Variants in RANBP2 observed in about 807,000 individuals in gnomAD.
RANBP2 encodes E3 SUMO-protein ligase RanBP2.
A neutral mutation model predicts 303.6 loss-of-function variants in RANBP2; 57 were observed. The ratio of observed to expected loss-of-function variants is 0.19; its 90% CI spans 0.15 to 0.23. The LOEUF is 0.23. RANBP2 is among the 10% of genes least tolerant of loss of function. The pLI, the probability that RANBP2 is intolerant of heterozygous loss-of-function variation, is 1.00. For synonymous variants in RANBP2, 1,167 were observed against 1,301.5 expected (o/e 0.90, Z 2.23); for missense variants, 3,138 against 3,780.8 (o/e 0.83, Z 4.46).
the RANBP2 span, among the ~76,000 whole-genome samples, chr2:109,371,160 G>A: frequency 6.8e-4 from 103 of 152,262 alleles, no homozygotes; most frequent in African/African-American, 2.0e-3. Flanking sequence ...AGGCCAAGGC[G>A]GGCAGATTGC....
the RANBP2 span, among the ~76,000 whole-genome samples, chr2:109,427,504 T>TA: frequency 6.6e-6 from 1 of 152,158 alleles, no homozygotes; most frequent in Non-Finnish European, 1.5e-5. Flanking sequence ...TGCTGGGCCT[T>TA]ACACCAGGAG....
At chr2:108,748,615 T>A (rs1199174819) in intron 8 of RANBP2, among the ~76,000 whole-genome samples, 2 of 152,188 alleles carry the variant, frequency 1.3e-5, no homozygotes, top group African/African-American at 4.8e-5. Context: ...TTGTCCCTGT[T>A]CTCCTATGGC....
At chr2:109,386,512 A>G in the RANBP2 span, among the ~76,000 whole-genome samples, 1 of 152,096 alleles carries the variant, frequency 6.6e-6, no homozygotes, top group South Asian at 2.1e-4. Context: ...AACTTTATTT[A>G]CAAAAACCAG....
chr2:108,904,403 A>G, the RANBP2 span, among the ~76,000 whole-genome samples: 1 of 152,236 alleles, frequency 6.6e-6, no homozygotes, highest in Non-Finnish European at 1.5e-5. Context: ...ACGGTTTGGC[A>G]GTTTTTTAAA....
the RANBP2 span, among the ~76,000 whole-genome samples, chr2:109,622,254 C>T: frequency 5.9e-5 from 9 of 152,152 alleles, no homozygotes; most frequent in Non-Finnish European, 8.8e-5. Flanking sequence ...TAGTTCTTAG[C>T]AGTTCAGCTT....
the RANBP2 span, among the ~76,000 whole-genome samples, chr2:109,106,157 G>A: frequency 1.2e-4 from 18 of 151,910 alleles, no homozygotes; most frequent in African/African-American, 4.1e-4. Context: ...CACCATGCTC[G>A]GCCCTGCTCT....
chr2:109,306,172 C>A, the RANBP2 span, among the ~76,000 whole-genome samples: 1 of 152,198 alleles, frequency 6.6e-6, no homozygotes, highest in Admixed American at 6.5e-5. Flanking sequence ...TAGAGAAAAT[C>A]CACTAAAATG....
the RANBP2 span, among the ~76,000 whole-genome samples, chr2:108,914,370 T>C: frequency 6.6e-6 from 1 of 152,206 alleles, no homozygotes; most frequent in South Asian, 2.1e-4. Context: ...GGACTTTTGC[T>C]GTATTTCTGC....
chr2:109,201,419 G>C, the RANBP2 span, among the ~76,000 whole-genome samples: 1 of 152,140 alleles, frequency 6.6e-6, no homozygotes, highest in Admixed American at 6.5e-5. Context: ...TCTGTCTCCA[G>C]GCACACATCC....
At chr2:109,295,579 G>T in the RANBP2 span, among the ~76,000 whole-genome samples, 44 of 152,316 alleles carry the variant, frequency 2.9e-4, no homozygotes, top group African/African-American at 9.9e-4. Flanking sequence ...AGGGCCAGGT[G>T]GTGATCCCAG....
the RANBP2 span, among the ~76,000 whole-genome samples, chr2:109,701,276 C>T: frequency 1.3e-5 from 2 of 152,202 alleles, no homozygotes; most frequent in Non-Finnish European, 2.9e-5. Flanking sequence ...CTTGTTAACC[C>T]AGAATATCTA....
the RANBP2 span, among the ~76,000 whole-genome samples, chr2:108,919,605 G>A: frequency 2.0e-5 from 3 of 152,150 alleles, no homozygotes; most frequent in Non-Finnish European, 2.9e-5. Flanking sequence ...TGATCTGCCT[G>A]CTTAGGCCTC....
the RANBP2 span, chr2:108,876,083 T>TA: frequency 6.4e-7 from 1 of 1,562,254 alleles, no homozygotes; most frequent in South Asian, 1.1e-5. Flanking sequence ...TCATTTTTTT[T>TA]ACAGGAGTAA....
chr2:109,400,142 C>T, the RANBP2 span, among the ~76,000 whole-genome samples: 1 of 152,196 alleles, frequency 6.6e-6, no homozygotes, highest in African/African-American at 2.4e-5. Flanking sequence ...TTAAAAATTG[C>T]TGAGCTTCTG....
At chr2:109,162,331 C>CA in the RANBP2 span, among the ~76,000 whole-genome samples, 4 of 152,224 alleles carry the variant, frequency 2.6e-5, no homozygotes, top group African/African-American at 9.6e-5. Context: ...GTTGCTCTGA[C>CA]ACGTAAGCCC....
chr2:109,474,167 G>T, the RANBP2 span, among the ~76,000 whole-genome samples: 68 of 152,252 alleles, frequency 4.5e-4, no homozygotes, highest in Non-Finnish European at 6.5e-4. Context: ...CCGCACCTGC[G>T]TAAGAGCACA....
chr2:109,627,850 T>G, the RANBP2 span, among the ~76,000 whole-genome samples: 1 of 152,274 alleles, frequency 6.6e-6, no homozygotes, highest in Non-Finnish European at 1.5e-5. Flanking sequence ...TTCTCATTGC[T>G]ATATAGTTGT....
the RANBP2 span, among the ~76,000 whole-genome samples, chr2:109,071,961 A>G: frequency 1.3e-5 from 2 of 152,204 alleles, no homozygotes; most frequent in Admixed American, 1.3e-4. Context: ...ACAACAGAAT[A>G]TATCACAAAG....
the RANBP2 span, among the ~76,000 whole-genome samples, chr2:109,700,148 C>A: frequency 6.6e-6 from 1 of 152,112 alleles, no homozygotes; most frequent in African/African-American, 2.4e-5. Flanking sequence ...ATCTTAAGTC[C>A]ATTTATAGTT....
Sources: gnomAD v4.1 joint callset for allele counts (sites outside exome capture counted in the v4.1 genomes callset) on GRCh38, gnomAD v4.1.1 for gene constraint, MANE v1.5 for transcripts, NCBI Gene and HGNC (gene_info 2026-07-23, HGNC 2026-07-21) for gene names.